CAB39L: variants seen among roughly 807,000 people sequenced by gnomAD.
CAB39L encodes the protein calcium-binding protein 39-like.
Under a neutral mutation model 39.1 loss-of-function variants are expected in CAB39L, and 23 were observed. The ratio of observed to expected loss-of-function variants is 0.59; its 90% CI spans 0.42 to 0.83. The LOEUF (loss-of-function observed/expected upper bound fraction) is 0.83. Among genes scored for constraint, CAB39L ranks in the 40% least tolerant of loss-of-function variants. CAB39L has a pLI of 0.00. For synonymous variants in CAB39L, 126 were observed against 137.2 expected, an observed-to-expected ratio of 0.92 and a Z score of 0.57; for missense variants, 366 against 391.9, an observed-to-expected ratio of 0.93 and a Z score of 0.56.
chr13:49,406,743 T>C (rs1956889457), intron 3 of CAB39L, among the ~76,000 whole-genome samples: 1 of 152,206 alleles, frequency 6.6e-6, no homozygotes, highest in Non-Finnish European at 1.5e-5. Flanking sequence ...TTAACTCTAC[T>C]GCTTTGCTCT....
At chr13:49,359,643 G>T in intron 6 of CAB39L, 71 bp downstream of exon 6, 1 of 761,854 alleles carries the variant, frequency 1.3e-6, no homozygotes, top group South Asian at 1.7e-5. Context: ...TATCTCAAAT[G>T]AGACTAATGC....
chr13:49,359,375 C>A (rs1487172695), intron 6 of CAB39L, among the ~76,000 whole-genome samples: 1 of 151,962 alleles, frequency 6.6e-6, no homozygotes, highest in Admixed American at 6.6e-5. Context: ...TGAGGGCATT[C>A]AATCTCATGC....
At chr13:49,341,692 T>C (rs1028858905) in intron 8 of CAB39L, among the ~76,000 whole-genome samples, 1 of 152,180 alleles carries the variant, frequency 6.6e-6, no homozygotes, top group African/African-American at 2.4e-5. Context: ...CTATAGTTAA[T>C]AATTTACTGT....
At chr13:49,314,293 A>C (rs951251340) in intron 10 of CAB39L, among the ~76,000 whole-genome samples, 2 of 152,066 alleles carry the variant, frequency 1.3e-5, no homozygotes, top group African/African-American at 4.8e-5. Flanking sequence ...GTTATCTAGA[A>C]ATAAAAGGAC....
intron 8 of CAB39L, among the ~76,000 whole-genome samples, chr13:49,341,377 C>T (rs1011897502): frequency 5.3e-5 from 8 of 151,938 alleles, no homozygotes; most frequent in South Asian, 4.1e-4. Context: ...CTCAGCCTCC[C>T]GAGTAGATGG....
At chr13:49,407,555 ACT>A (rs1372423644) in intron 3 of CAB39L, among the ~76,000 whole-genome samples, 1 of 151,960 alleles carries the variant, frequency 6.6e-6, no homozygotes, top group Non-Finnish European at 1.5e-5. Flanking sequence ...AAAAATCAAG[ACT>A]CTAACATGTA....
At chr13:49,382,120 A>G (rs2138589355) in intron 4 of CAB39L, among the ~76,000 whole-genome samples, 1 of 152,228 alleles carries the variant, frequency 6.6e-6, no homozygotes, top group South Asian at 2.1e-4. Flanking sequence ...AAATGTGTAA[A>G]AAGGTTTTTT....
chr13:49,375,635 G>C (rs544879020), intron 5 of CAB39L, among the ~76,000 whole-genome samples: 1 of 151,956 alleles, frequency 6.6e-6, no homozygotes, highest in Non-Finnish European at 1.5e-5. Flanking sequence ...ATCACACACC[G>C]GGGCCTGTTG....
Position 49,367,219 on chromosome 13 carries a change from C to T in CAB39L, c.277-7387G>A, listed in dbSNP as rs76299349. ...AGAAAATGGCTAAAAGACATGAAGA[C>T]ACATTTTACCAAAGAGGATATACAG... On this transcript the variant is annotated intron_variant, in intron 5 of 10. Coordinates refer to ENST00000409308, the MANE Select transcript of CAB39L (RefSeq NM_001079670.3). 6.2e-3 allele frequency among the ~76,000 whole-genome samples: 940 copies of T among 152,144 alleles called. 9 individuals carry two copies. Among genetic ancestry groups the T allele is most frequent in the African/African-American group, 0.021 (886 of 41,520 alleles).
intron 7 of CAB39L, among the ~76,000 whole-genome samples, chr13:49,349,575 T>C (rs1955280736): frequency 6.6e-6 from 1 of 151,694 alleles, no homozygotes; most frequent in Admixed American, 6.6e-5. Flanking sequence ...TGAATTCCTC[T>C]TCTCAAACAG....
chr13:49,440,826 C>T (rs906382825), intron 1 of CAB39L, among the ~76,000 whole-genome samples: 1 of 114,514 alleles, frequency 8.7e-6, no homozygotes, highest in Non-Finnish European at 2.1e-5. Context: ...GGTATAGAAA[C>T]GCTACTGATT....
chr13:49,414,299 T>C (rs1422717792), intron 3 of CAB39L: 4 of 152,206 alleles, frequency 2.6e-5, no homozygotes, highest in Non-Finnish European at 5.9e-5. Context: ...TAGAAGAATG[T>C]AGTGAGACAG....
At position 49,350,905 on chromosome 13, in the gene CAB39L, C is replaced by A. The variant is rs1440577752; in HGVS notation, c.403G>T (p.Ala135Ser). 6.3e-7 allele frequency: 1 copy of A among 1,582,232 alleles called. No individual in the cohort carries two copies. ...CCACAACGTAAGGCAATCTGTGGGG[C>A]TTCATATCTAAAGCGTAAACAAGAG... is the stretch of plus-strand genomic sequence containing the variant. Reference protein sequence around the residue: ...ILFMLLKGYEAPQIALRCGIM... With the variant: ...ILFMLLKGYESPQIALRCGIM... Residue 135 changes from alanine to serine, a missense_variant, in exon 7 of 11, where the codon GCC becomes TCC. By Grantham distance (99) the Ala-to-Ser change is moderately conservative. Transcript: ENST00000409308.
At chr13:49,405,711 AAGAG>A (rs1416029713) in intron 3 of CAB39L, among the ~76,000 whole-genome samples, 1 of 143,508 alleles carries the variant, frequency 7.0e-6, no homozygotes, top group Non-Finnish European at 1.5e-5. Flanking sequence ...GAAAGAAAGA[AAGAG>A]AGAGAGGAAG....
intron 7 of CAB39L, among the ~76,000 whole-genome samples, chr13:49,346,577 G>A (rs1955184526): frequency 6.6e-6 from 1 of 152,142 alleles, no homozygotes; most frequent in Admixed American, 6.5e-5. Flanking sequence ...CTGCTTGAGA[G>A]AAACTTGGGG....
At position 49,353,333 on chromosome 13, in the gene CAB39L, T is replaced by C. The variant is rs549394015; in HGVS notation, c.396-2421A>G. On this transcript the variant is annotated intron_variant, in intron 6 of 10. Coordinates refer to ENST00000409308, the MANE Select transcript of CAB39L (RefSeq NM_001079670.3). ...TAAAGGAGAAAAGCACTGTCATTTA[T>C]TGATAGAGTACTCAAGAGAGTATAA... Among the ~76,000 whole-genome samples the C allele has an allele frequency of 2.0e-5, 3 of 152,328 alleles. No homozygotes were observed. The East Asian group carries it at 5.8e-4, about 29-fold the overall frequency.
intron 6 of CAB39L, among the ~76,000 whole-genome samples, chr13:49,358,472 A>G (rs1157589338): frequency 6.6e-6 from 1 of 152,228 alleles, no homozygotes; most frequent in Admixed American, 6.5e-5. Context: ...CATTATTTGT[A>G]ACACAGAGGT....
chr13:49,423,340 C>A (rs1957200099), intron 3 of CAB39L, among the ~76,000 whole-genome samples: 1 of 152,142 alleles, frequency 6.6e-6, no homozygotes, highest in Non-Finnish European at 1.5e-5. Flanking sequence ...GTGCAGATCA[C>A]AAAATATAAT....
chr13:49,433,982 TTAC>T (rs1227579474), intron 2 of CAB39L, 101 bp downstream of exon 2: 1 of 347,160 alleles, frequency 2.9e-6, no homozygotes, highest in African/African-American at 2.2e-5. Flanking sequence ...GTTCGCACCT[TTAC>T]TAATTTCAGT....
Sources: allele counts gnomAD v4.1 joint callset (sites outside exome capture counted in the v4.1 genomes callset), GRCh38; gene constraint gnomAD v4.1.1; transcripts MANE v1.5; gene names NCBI Gene and HGNC (gene_info 2026-07-23, HGNC 2026-07-21).